SLC9B1: variants seen among roughly 807,000 people sequenced by gnomAD.
SLC9B1 encodes the protein solute carrier family 9 member B1.
In SLC9B1, 32 loss-of-function variants were observed where a neutral mutation model predicts 51.7. The observed-to-expected ratio is 0.62, with a 90% confidence interval of 0.47 to 0.83. The LOEUF (loss-of-function observed/expected upper bound fraction) is 0.83, where lower values mean the gene tolerates loss of function less well. Among genes scored for constraint, SLC9B1 ranks in the 40% least tolerant of loss-of-function variants. The pLI is 0.00. For synonymous variants in SLC9B1, 145 were observed against 212.7 expected (o/e 0.68, Z 2.77); for missense variants, 406 against 613.2 (o/e 0.66, Z 3.57).
intron 11 of SLC9B1, among the ~76,000 whole-genome samples, chr4:102,893,293 A>AAAG (rs1734356127): frequency 6.7e-6 from 1 of 149,768 alleles, no homozygotes; most frequent in South Asian, 2.1e-4. Context: ...AAAAAAAAAA[A>AAAG]AAAAAAAAAA....
At chr4:102,951,257 A>G (rs1478640332) in intron 3 of SLC9B1, among the ~76,000 whole-genome samples, 1 of 152,188 alleles carries the variant, frequency 6.6e-6, no homozygotes, top group Non-Finnish European at 1.5e-5. Context: ...TATCCCTAGA[A>G]CACACTTAGT....
chr4:102,924,221 G>A (rs1174236907), intron 7 of SLC9B1, among the ~76,000 whole-genome samples: 2 of 152,098 alleles, frequency 1.3e-5, no homozygotes. Flanking sequence ...ATAGACCAAT[G>A]GAACAGAATA....
chr4:103,010,937 A>G (rs887839676), intron 1 of SLC9B1, among the ~76,000 whole-genome samples: 1 of 152,198 alleles, frequency 6.6e-6, no homozygotes, highest in African/African-American at 2.4e-5. Context: ...TCTTTCTCAC[A>G]TATAAAACAC....
At chr4:102,971,084 CAGA>C (rs1738735303) in intron 3 of SLC9B1, among the ~76,000 whole-genome samples, 1 of 152,136 alleles carries the variant, frequency 6.6e-6, no homozygotes. Context: ...ATCAATGAGA[CAGA>C]AGGTTAACAA....
At chr4:102,964,560 T>C (rs768621875) in intron 3 of SLC9B1, among the ~76,000 whole-genome samples, 1 of 152,198 alleles carries the variant, frequency 6.6e-6, no homozygotes, top group African/African-American at 2.4e-5. Context: ...CAAATATTAG[T>C]AAATGTAATT....
chr4:102,986,900 T>C (rs1056639732), intron 3 of SLC9B1, among the ~76,000 whole-genome samples: 2 of 152,214 alleles, frequency 1.3e-5, no homozygotes, highest in African/African-American at 4.8e-5. Flanking sequence ...CTTAGCATAT[T>C]TAACATAACT....
chr4:102,946,883 C>T, intron 4 of SLC9B1, 94 bp from the exon 5 acceptor site: 1 of 1,217,432 alleles, frequency 8.2e-7, no homozygotes, highest in Non-Finnish European at 1.1e-6. Flanking sequence ...CTATGTCTCT[C>T]ATTATTTTGG....
downstream of SLC9B1, among the ~76,000 whole-genome samples, chr4:102,896,273 A>G (rs1237555243): frequency 3.3e-5 from 5 of 151,998 alleles, no homozygotes; most frequent in South Asian, 4.1e-4. Flanking sequence ...CCTCTGGTCC[A>G]TCTCTTGCTG....
chr4:102,946,551 A>G (rs936160226), intron 5 of SLC9B1, 96 bp downstream of exon 5: 23 of 1,374,858 alleles, frequency 1.7e-5, no homozygotes, highest in Middle Eastern at 2.6e-4. Context: ...TACAGACTCT[A>G]TTTGGAACAG....
rs555008003 is a variant in SLC9B1 at position 102,931,614 on chromosome 4, C to T, written c.829+510G>A. On this transcript the variant is annotated intron_variant, in intron 7 of 11. Transcript: ENST00000296422. ...GTGGAAATGTTTACTTTCACAATTT[C>T]TGTAGTGATATTCAAGACCAGATAT... Among the ~76,000 whole-genome samples the T allele has an allele frequency of 7.4e-5, 11 of 148,832 alleles. No individual in the cohort carries two copies. In the South Asian group the frequency reaches 2.4e-3, roughly 32 times the overall value.
chr4:102,977,815 T>A (rs538234523), intron 3 of SLC9B1, among the ~76,000 whole-genome samples: 2 of 152,338 alleles, frequency 1.3e-5, no homozygotes, highest in Non-Finnish European at 2.9e-5. Context: ...ATATTCTTTT[T>A]TTATTATTAT....
intron 11 of SLC9B1, among the ~76,000 whole-genome samples, chr4:102,894,457 A>C (rs1430113071): frequency 6.6e-6 from 1 of 152,204 alleles, no homozygotes; most frequent in African/African-American, 2.4e-5. Flanking sequence ...GAAAAACAGA[A>C]ATTTCAAATA....
At chr4:102,907,986 A>G (rs1452817665) in intron 9 of SLC9B1, among the ~76,000 whole-genome samples, 6 of 152,118 alleles carry the variant, frequency 3.9e-5, no homozygotes, top group Non-Finnish European at 2.9e-5. Context: ...TTATGATTAT[A>G]TAAGAATACT....
At chr4:102,891,711 T>C (rs539032633) in intron 11 of SLC9B1, 56 of 152,366 alleles carry the variant, frequency 3.7e-4, no homozygotes, top group Non-Finnish European at 5.3e-4. Flanking sequence ...TTAATGACTA[T>C]AATTTACTAC....
At chr4:102,923,838 C>T (rs1173446332) in intron 7 of SLC9B1, among the ~76,000 whole-genome samples, 2 of 152,080 alleles carry the variant, frequency 1.3e-5, no homozygotes, top group Non-Finnish European at 2.9e-5. Flanking sequence ...ACCTAGGAAT[C>T]CAACTTACAA....
intron 1 of SLC9B1, among the ~76,000 whole-genome samples, chr4:102,998,962 G>A (rs2110527424): frequency 6.6e-6 from 1 of 152,134 alleles, no homozygotes; most frequent in South Asian, 2.1e-4. Flanking sequence ...TGGGCTCAAG[G>A]GATCCTCTGC....
At position 102,979,938 on chromosome 4, in the gene SLC9B1, C is replaced by T. The variant is rs1158985704; in HGVS notation, c.211+9862G>A. On this transcript the variant is annotated intron_variant, in intron 3 of 11. Transcript: ENST00000296422. ...ACCCCATTAAAAAGTGGGTAAAGGA[C>T]ATGAGCAGACACTTCTCGAAAGAAG... Among the ~76,000 whole-genome samples, 5 of 151,976 alleles carry T rather than the reference C, an allele frequency of 3.3e-5. No homozygotes were observed. In the East Asian group the frequency reaches 7.7e-4, roughly 23 times the overall value.
chr4:102,946,061 G>T (rs1291038800), intron 5 of SLC9B1, among the ~76,000 whole-genome samples: 1 of 152,040 alleles, frequency 6.6e-6, no homozygotes, highest in African/African-American at 2.4e-5. Flanking sequence ...AAAAGAAAAA[G>T]ACTTTTATAA....
At chr4:102,962,048 A>G in intron 3 of SLC9B1, 1 of 330,408 alleles carries the variant, frequency 3.0e-6, no homozygotes. Context: ...CCTTGCTCTC[A>G]GCCCCTGGCA....
Sources: gnomAD v4.1 joint callset for allele counts (sites outside exome capture counted in the v4.1 genomes callset) on GRCh38, gnomAD v4.1.1 for gene constraint, MANE v1.5 for transcripts, NCBI Gene and HGNC (gene_info 2026-07-23, HGNC 2026-07-21) for gene names.